PECR: variants seen among roughly 807,000 people sequenced by gnomAD.
PECR encodes 2,4-dienoyl-CoA reductase-related protein.
Under a neutral mutation model 35.3 loss-of-function variants are expected in PECR, and 30 were observed. That is an observed-to-expected ratio of 0.85 (90% CI 0.64 to 1.15). The LOEUF (loss-of-function observed/expected upper bound fraction) is 1.15. Ranked by LOEUF, PECR falls within the 50% of genes most tolerant of loss-of-function variation. The pLI is 0.00. For missense variants in PECR, 392 were observed against 370.8 expected (o/e 1.06, Z -0.47); for synonymous variants, 148 against 138.9 (o/e 1.07, Z -0.46).
At chr2:216,054,601 G>A (rs1446270441) in intron 4 of PECR, among the ~76,000 whole-genome samples, 4 of 151,596 alleles carry the variant, frequency 2.6e-5, no homozygotes, top group African/African-American at 7.3e-5. Flanking sequence ...CTCCCAAAGT[G>A]CTGGGATTAC....
chr2:216,056,127 G>A (rs1351015654), intron 4 of PECR, among the ~76,000 whole-genome samples: 2 of 152,102 alleles, frequency 1.3e-5, no homozygotes, highest in African/African-American at 4.8e-5. Flanking sequence ...GACTCCCTCA[G>A]AGTGTGGATG....
intron 1 of PECR, among the ~76,000 whole-genome samples, chr2:216,069,156 CTG>C (rs2105964856): frequency 6.6e-6 from 1 of 152,324 alleles, no homozygotes; most frequent in East Asian, 1.9e-4. Flanking sequence ...GGTATATTAA[CTG>C]TAACTGCATA....
chr2:216,055,663 T>C (rs1448685844), intron 4 of PECR, among the ~76,000 whole-genome samples: 1 of 152,034 alleles, frequency 6.6e-6, no homozygotes, highest in Non-Finnish European at 1.5e-5. Flanking sequence ...TCCAAAGAAA[T>C]GCCTTAGTTG....
downstream of PECR, chr2:216,034,206 A>C (rs1423409905): frequency 6.6e-6 from 1 of 152,276 alleles, no homozygotes; most frequent in Non-Finnish European, 1.5e-5. Context: ...GTCATGTTAA[A>C]AAATGAATGA....
chr2:216,041,402 C>T (rs748834725), intron 7 of PECR, among the ~76,000 whole-genome samples: 1 of 152,146 alleles, frequency 6.6e-6, no homozygotes, highest in Non-Finnish European at 1.5e-5. Context: ...TTTCTTCTTT[C>T]CAACCAAGAC....
At chr2:216,050,189 T>C (rs1336385701) in intron 5 of PECR, among the ~76,000 whole-genome samples, 2 of 152,070 alleles carry the variant, frequency 1.3e-5, no homozygotes, top group Non-Finnish European at 2.9e-5. Flanking sequence ...ACTACCGCAC[T>C]TCAGCCTAGG....
At chr2:216,061,129 CAAAAAA>C (rs151215904) in intron 3 of PECR, among the ~76,000 whole-genome samples, 3 of 52,388 alleles carry the variant, frequency 5.7e-5, no homozygotes, top group African/African-American at 2.5e-4. Context: ...CCGGCTCTAC[CAAAAAA>C]AAAAAAAAAA....
At chr2:216,077,176 GC>G (rs1346115780) in intron 1 of PECR, among the ~76,000 whole-genome samples, 1 of 151,940 alleles carries the variant, frequency 6.6e-6, no homozygotes, top group African/African-American at 2.4e-5. Flanking sequence ...GGGATTACAG[GC>G]ATGAGCCACC....
At position 216,039,061 on chromosome 2, in the gene PECR, G is replaced by T; in HGVS notation, c.*214C>A. The stretch of plus-strand genomic sequence containing the variant: ...AAGTCATTAAAATATGTTAATTTCT[G>T]TTACTTATACATTTTTAAATCATAG... On this transcript the variant is annotated 3_prime_UTR_variant, in exon 8 of 8. Coordinates refer to ENST00000265322, the MANE Select transcript of PECR (RefSeq NM_018441.6). The T allele has an allele frequency of 2.4e-6, 1 of 413,510 alleles. No homozygotes were observed. The highest frequency in any genetic ancestry group is 4.4e-6 in the Non-Finnish European group (1 of 227,898). The allele number at this position is 413,510 out of a possible 1,614,324, so 25.6% of individuals were successfully genotyped here.
chr2:216,059,075 G>T, intron 3 of PECR, 99 bp from the exon 4 acceptor site: 1 of 763,162 alleles, frequency 1.3e-6, no homozygotes. Flanking sequence ...TGTTTTACAC[G>T]TCCATTTACA....
chr2:216,060,941 A>C (rs1695328008), intron 3 of PECR, among the ~76,000 whole-genome samples: 1 of 152,066 alleles, frequency 6.6e-6, no homozygotes. Flanking sequence ...ATAAGGCATA[A>C]ATTTTTAAAA....
intron 7 of PECR, among the ~76,000 whole-genome samples, chr2:216,031,817 G>C (rs1350308718): frequency 2.0e-5 from 3 of 152,204 alleles, no homozygotes; most frequent in African/African-American, 7.2e-5. Flanking sequence ...AACTAATCCA[G>C]ATTCAATGTC....
chr2:216,076,308 T>TTCAAG (rs1695696106), intron 1 of PECR, among the ~76,000 whole-genome samples: 1 of 152,140 alleles, frequency 6.6e-6, no homozygotes, highest in Non-Finnish European at 1.5e-5. Flanking sequence ...TTCTCATGTG[T>TTCAAG]CAGCCTCCCA....
At chr2:216,070,767 G>A (rs1695573351) in intron 1 of PECR, among the ~76,000 whole-genome samples, 1 of 152,184 alleles carries the variant, frequency 6.6e-6, no homozygotes, top group Non-Finnish European at 1.5e-5. Flanking sequence ...CATTTGGTCA[G>A]CTGCTTAACT....
chr2:216,055,285 A>G (rs972668909), intron 4 of PECR, among the ~76,000 whole-genome samples: 5 of 151,686 alleles, frequency 3.3e-5, no homozygotes, highest in African/African-American at 1.2e-4. Flanking sequence ...TAAAAATACT[A>G]AATTAGCCGG....
chr2:216,074,558 A>AAGAG (rs987354463), intron 1 of PECR, among the ~76,000 whole-genome samples: 2 of 150,786 alleles, frequency 1.3e-5, no homozygotes, highest in Non-Finnish European at 3.0e-5. Flanking sequence ...GGAAGGAAGG[A>AAGAG]AGAGAGAGAG....
At chr2:216,069,664 A>G (rs1695548162) in intron 1 of PECR, among the ~76,000 whole-genome samples, 1 of 152,156 alleles carries the variant, frequency 6.6e-6, no homozygotes, top group East Asian at 1.9e-4. Context: ...GGGGCCAGGC[A>G]TGGTGGCTCA....
At chr2:216,081,300 C>T (rs2105974636) in intron 1 of PECR, among the ~76,000 whole-genome samples, 1 of 152,330 alleles carries the variant, frequency 6.6e-6, no homozygotes, top group Non-Finnish European at 1.5e-5. Flanking sequence ...TCACATTAAG[C>T]ATATAGAATG....
intron 4 of PECR, among the ~76,000 whole-genome samples, chr2:216,051,916 G>C (rs1237195102): frequency 6.6e-6 from 1 of 152,218 alleles, no homozygotes; most frequent in Non-Finnish European, 1.5e-5. Flanking sequence ...GCCAGGTGCA[G>C]TGGCTCACAC....
Sources: gnomAD v4.1 joint callset for allele counts (sites outside exome capture counted in the v4.1 genomes callset) on GRCh38, gnomAD v4.1.1 for gene constraint, MANE v1.5 for transcripts, NCBI Gene and HGNC (gene_info 2026-07-23, HGNC 2026-07-21) for gene names.